The following ZNF107 variants were observed in gnomAD, a reference collection of about 807,000 sequenced individuals.
ZNF107 encodes the protein C2H2 type zinc-finger protein.
Under a neutral mutation model 12.3 loss-of-function variants are expected in ZNF107, and 19 were observed. The observed-to-expected ratio is 1.55, with a 90% CI of 1.08 to 2.27. The LOEUF (loss-of-function observed/expected upper bound fraction) is 2.27, where lower values mean the gene tolerates loss of function less well. Ranked by LOEUF, ZNF107 falls within the 30% of genes most tolerant of loss-of-function variation. The pLI, the probability that ZNF107 is intolerant of heterozygous loss-of-function variation, is 0.00. For missense variants in ZNF107, 958 were observed against 979.9 expected (o/e 0.98, Z 0.30); for synonymous variants, 317 against 330.5 (o/e 0.96, Z 0.44).
At chr7:64,699,999 G>A (rs992302397) in intron 3 of ZNF107, among the ~76,000 whole-genome samples, 7 of 138,932 alleles carry the variant, frequency 5.0e-5, no homozygotes, top group Non-Finnish European at 7.6e-5. Flanking sequence ...CTCAGGAGGC[G>A]GAGCTTGCAG....
intron 1 of ZNF107, among the ~76,000 whole-genome samples, chr7:64,667,631 G>C (rs1323719354): frequency 6.6e-6 from 1 of 152,182 alleles, no homozygotes; most frequent in Non-Finnish European, 1.5e-5. Flanking sequence ...AGAATCTCTA[G>C]TAAATTTCAG....
intron 1 of ZNF107, among the ~76,000 whole-genome samples, chr7:64,679,939 A>G (rs967213667): frequency 2.6e-5 from 4 of 151,948 alleles, no homozygotes; most frequent in Non-Finnish European, 4.4e-5. Context: ...TGTCCCGCCC[A>G]TCTGCTCCCC....
chr7:64,680,564 G>A (rs549478711), intron 1 of ZNF107, among the ~76,000 whole-genome samples: 12 of 152,234 alleles, frequency 7.9e-5, no homozygotes, highest in African/African-American at 2.9e-4. Flanking sequence ...CTGCGTATAA[G>A]GCTGTCAATT....
intron 1 of ZNF107, among the ~76,000 whole-genome samples, chr7:64,685,133 T>C (rs1379065225): frequency 1.3e-5 from 2 of 152,182 alleles, no homozygotes; most frequent in Non-Finnish European, 2.9e-5. Context: ...GTTCAACTTT[T>C]ACGCTCCTAC....
Position 64,706,898 on chromosome 7 carries a change from A to G in ZNF107, c.801A>G (p.Lys267=), listed in dbSNP as rs772846077. ...NKCEECGKAF[K]QASHLTIHKI... ...GTGAAGAATGTGGCAAGGCCTTTAA[A>G]CAGGCCTCACACCTTACTATACATA... is the stretch of plus-strand genomic sequence containing the variant. Residue 267 remains lysine, a synonymous_variant, in exon 4 of 4, where the codon AAA becomes AAG. Transcript: ENST00000620827. The G allele has an allele frequency of 1.6e-5, 25 of 1,612,422 alleles. No homozygotes were observed. In the African/African-American group the frequency reaches 2.4e-4, roughly 16 times the overall value.
At chr7:64,682,529 A>G (rs937545389) in intron 1 of ZNF107, among the ~76,000 whole-genome samples, 3 of 152,004 alleles carry the variant, frequency 2.0e-5, no homozygotes, top group Non-Finnish European at 2.9e-5. Flanking sequence ...CCTCGACTCC[A>G]CCCAGCCCTT....
At chr7:64,686,302 C>T (rs531368331) in intron 1 of ZNF107, among the ~76,000 whole-genome samples, 2 of 152,176 alleles carry the variant, frequency 1.3e-5, no homozygotes, top group South Asian at 4.2e-4. Context: ...TAGCTGGGCC[C>T]CTCATTTCCA....
At chr7:64,689,408 T>G (rs1476842969) in intron 1 of ZNF107, 1 of 152,202 alleles carries the variant, frequency 6.6e-6, no homozygotes, top group Admixed American at 6.5e-5. Flanking sequence ...CAGATCTTGT[T>G]CAGTGACCTG....
chr7:64,666,175 C>T lies in ZNF107; in HGVS notation c.-108C>T, dbSNP rs1456884660. On this transcript the variant is annotated 5_prime_UTR_variant, in exon 1 of 4. Transcript: ENST00000620827. ...CAGCCGGAGCTCCTGCTCTCCTCCTCACTGCTCAGTGTCCTCTGCTCCTAG... is the reference window on the plus strand; with the variant it reads ...CAGCCGGAGCTCCTGCTCTCCTCCTTACTGCTCAGTGTCCTCTGCTCCTAG... 6 of 1,464,758 alleles carry T rather than the reference C, an allele frequency of 4.1e-6. No homozygotes were observed. In the Admixed American group the frequency reaches 8.6e-5, roughly 21 times the overall value. 90.7% of individuals were successfully genotyped at this position (1,464,758 alleles called of 1,614,324 possible). A position where few individuals can be genotyped will look rare whatever the true frequency, so the allele number is the denominator to read the frequency against.
chr7:64,693,882 G>A lies in ZNF107; in HGVS notation c.226+1922G>A, dbSNP rs1584482409. 3.3e-5 allele frequency among the ~76,000 whole-genome samples: 5 copies of A among 152,134 alleles called. No homozygotes were observed. In the South Asian group the frequency reaches 6.2e-4, roughly 19 times the overall value. ...CGGCTCACTGCAACCTTTGCCTCCC[G>A]GGTTCAAGCGATTCTCGTGCTTCAG... On this transcript the variant is annotated intron_variant, in intron 3 of 3. Coordinates refer to ENST00000620827, the MANE Select transcript of ZNF107 (RefSeq NM_001282359.2).
chr7:64,689,496 G>C (rs1294948584), intron 1 of ZNF107: 1 of 152,182 alleles, frequency 6.6e-6, no homozygotes, highest in African/African-American at 2.4e-5. Context: ...CATCTTAGGG[G>C]TGAGAGATGA....
At chr7:64,700,790 T>C (rs1312804551) in intron 3 of ZNF107, among the ~76,000 whole-genome samples, 2 of 152,166 alleles carry the variant, frequency 1.3e-5, no homozygotes, top group African/African-American at 4.8e-5. Context: ...TCCACCCGCC[T>C]TTGCCTCCCA....
At chr7:64,678,919 C>T (rs1272172557) in intron 1 of ZNF107, 3 of 152,092 alleles carry the variant, frequency 2.0e-5, no homozygotes, top group South Asian at 2.1e-4. Context: ...ATATATTCCA[C>T]TATATTAACA....
chr7:64,666,887 A>T (rs1159966191), intron 1 of ZNF107, among the ~76,000 whole-genome samples: 1 of 143,086 alleles, frequency 7.0e-6, no homozygotes, highest in African/African-American at 2.7e-5. Context: ...GGTTAGGTAG[A>T]GTTACGTAGT....
rs1790112216 is a variant in ZNF107 at position 64,691,354 on chromosome 7, A to G, written c.110A>G (p.Tyr37Cys). The G allele has an allele frequency of 2.0e-6, 3 of 1,505,666 alleles. No homozygotes were observed. Among genetic ancestry groups the G allele is most frequent in the East Asian group, 5.0e-5 (2 of 39,634 alleles). 93.3% of individuals were successfully genotyped at this position (1,505,666 alleles called of 1,614,324 possible). Residue 37 changes from tyrosine (Y) to cysteine (C), a missense_variant, in exon 2 of 4, where the codon TAC (tyrosine) becomes TGC (cysteine). Tyr to Cys is a radical substitution (Grantham distance 194). Transcript: ENST00000620827. ...DLYRNVLLEN[Y>C]RNLVFLGIAV... ...TATAGGAATGTGTTGTTAGAGAACTACAGAAACCTGGTCTTTTTGGGTGAG... is the reference window on the plus strand; with the variant it reads ...TATAGGAATGTGTTGTTAGAGAACTGCAGAAACCTGGTCTTTTTGGGTGAG...
intron 3 of ZNF107, among the ~76,000 whole-genome samples, chr7:64,695,649 T>TTA (rs765263290): frequency 2.6e-5 from 4 of 152,174 alleles, no homozygotes; most frequent in Non-Finnish European, 5.9e-5. Flanking sequence ...TGTGCGTGTT[T>TTA]TATATATAAA....
rs1267275037 is a variant in ZNF107 at position 64,711,113 on chromosome 7, G to A, written c.*2457G>A. The stretch of plus-strand genomic sequence containing the variant: ...TGTGCATTCAATGAAGTGTTTTCAT[G>A]CCACTGACTTTACCTATCCCACATT... On this transcript the variant is annotated 3_prime_UTR_variant, in exon 4 of 4. Transcript: ENST00000620827. The A allele has an allele frequency of 6.6e-6, 1 of 151,974 alleles. No homozygotes were observed. Among genetic ancestry groups the A allele is most frequent in the Non-Finnish European group, 1.5e-5 (1 of 67,964 alleles). 9.4% of individuals were successfully genotyped at this position (151,974 alleles called of 1,614,324 possible).
chr7:64,674,915 T>C (rs1471035285), intron 1 of ZNF107, among the ~76,000 whole-genome samples: 1 of 152,236 alleles, frequency 6.6e-6, no homozygotes, highest in Non-Finnish European at 1.5e-5. Context: ...TTTATTGATT[T>C]GTGTATGTTG....
intron 1 of ZNF107, among the ~76,000 whole-genome samples, chr7:64,671,253 C>G (rs1340681470): frequency 6.6e-6 from 1 of 152,016 alleles, no homozygotes; most frequent in East Asian, 1.9e-4. Context: ...GATTATAGAC[C>G]CCCTTTTCTC....
Sources: gnomAD v4.1 joint callset for allele counts (sites outside exome capture counted in the v4.1 genomes callset) on GRCh38, gnomAD v4.1.1 for gene constraint, MANE v1.5 for transcripts, NCBI Gene and HGNC (gene_info 2026-07-23, HGNC 2026-07-21) for gene names.